Variants in ATXN7 observed in about 807,000 individuals in gnomAD.
The protein encoded by ATXN7 is ataxin 7, also known as ataxin-7.
A neutral mutation model predicts 70.5 loss-of-function variants in ATXN7; 12 were observed. The observed-to-expected ratio is 0.17, with a 90% CI of 0.11 to 0.28. The LOEUF (loss-of-function observed/expected upper bound fraction) is 0.28. ATXN7 is among the 10% of genes least tolerant of loss of function. ATXN7 has a pLI of 1.00. For missense variants in ATXN7, 1,256 were observed against 1,131.7 expected, an observed-to-expected ratio of 1.11 and a Z score of -1.58; for synonymous variants, 498 against 448.7, an observed-to-expected ratio of 1.11 and a Z score of -1.39.
chr3:63,887,203 T>C (rs1316446328), intron 1 of ATXN7, among the ~76,000 whole-genome samples: 1 of 152,212 alleles, frequency 6.6e-6, no homozygotes, highest in Non-Finnish European at 1.5e-5. Flanking sequence ...ATGTTTGTGA[T>C]GTAGTGCCAG....
At position 64,000,351 on chromosome 3, in the gene ATXN7, A is replaced by AG. The variant is rs2075820838; in HGVS notation, c.*885dup. 2.0e-5 allele frequency: 3 copies of AG among 149,694 alleles called. No individual in the cohort carries two copies. The South Asian group carries it at 6.3e-4, about 32-fold the overall frequency. 9.3% of individuals were successfully genotyped at this position (149,694 alleles called of 1,614,324 possible). A position where few individuals can be genotyped will look rare whatever the true frequency, so the allele number is the denominator to read the frequency against. On this transcript the variant is annotated 3_prime_UTR_variant, in exon 13 of 13. Transcript: ENST00000674280. ...AAAACTTTTTTCAAGATTTCCAAAG[A>AG]GATGAAATTTTCTTAATCCTTTTAA...
At chr3:63,987,379 C>A (rs1411412374) in intron 8 of ATXN7, among the ~76,000 whole-genome samples, 2 of 152,138 alleles carry the variant, frequency 1.3e-5, no homozygotes, top group African/African-American at 4.8e-5. Flanking sequence ...TGTTGTCCAT[C>A]CCATTTCCTT....
intron 5 of ATXN7, chr3:63,967,646 C>A: frequency 1.7e-6 from 1 of 571,916 alleles, no homozygotes; most frequent in Non-Finnish European, 2.6e-6. Flanking sequence ...TTCCATCTTC[C>A]CCAGTTTTGA....
chr3:63,877,131 G>A (rs1249503201), intron 1 of ATXN7, among the ~76,000 whole-genome samples: 1 of 152,122 alleles, frequency 6.6e-6, no homozygotes, highest in Non-Finnish European at 1.5e-5. Context: ...CAAAAGCTAA[G>A]AAAGGTAATT....
rs1398391367 is a variant in ATXN7 at position 64,000,094 on chromosome 3, T to C, written c.*627T>C. ...AAATAGCCCAGCCTTTTGAGAGTAA[T>C]TTGGGAAAAGAAGCTGTCAGAAGTT... On this transcript the variant is annotated 3_prime_UTR_variant, in exon 13 of 13. Coordinates refer to ENST00000674280, the MANE Select transcript of ATXN7 (RefSeq NM_001377405.1). The C allele has an allele frequency of 6.6e-6, 1 of 152,634 alleles. No homozygotes were observed. Among genetic ancestry groups the C allele is most frequent in the African/African-American group, 2.4e-5 (1 of 41,432 alleles). The allele number at this position is 152,634 out of a possible 1,614,324, so 9.5% of individuals were successfully genotyped here. A position where few individuals can be genotyped will look rare whatever the true frequency, so the allele number is the denominator to read the frequency against.
intron 12 of ATXN7, 65 bp from the exon 13 acceptor site, chr3:63,999,385 T>C (rs1169846448): frequency 2.3e-6 from 3 of 1,293,192 alleles, no homozygotes; most frequent in African/African-American, 1.5e-5. Context: ...TTAGAATCAA[T>C]AGAGTGCAGT....
At chr3:63,983,642 A>G (rs1396404957) in intron 8 of ATXN7, among the ~76,000 whole-genome samples, 1 of 152,094 alleles carries the variant, frequency 6.6e-6, no homozygotes, top group African/African-American at 2.4e-5. Flanking sequence ...GATAAAATAT[A>G]TTAATAATTT....
chr3:63,906,941 T>G (rs939235650), intron 2 of ATXN7, among the ~76,000 whole-genome samples: 1 of 152,222 alleles, frequency 6.6e-6, no homozygotes, highest in Non-Finnish European at 1.5e-5. Flanking sequence ...ATTTATTTTA[T>G]CCGTCAGTGG....
At chr3:63,935,238 T>C (rs957223027) in intron 4 of ATXN7, among the ~76,000 whole-genome samples, 3 of 152,160 alleles carry the variant, frequency 2.0e-5, no homozygotes, top group Non-Finnish European at 2.9e-5. Flanking sequence ...CCTGTGGCCC[T>C]GCAGTAACTA....
At chr3:63,897,138 A>C (rs1031414571) in intron 1 of ATXN7, among the ~76,000 whole-genome samples, 1 of 152,234 alleles carries the variant, frequency 6.6e-6, no homozygotes, top group Non-Finnish European at 1.5e-5. Context: ...TTTAGGATTC[A>C]AAGAAATGCA....
intron 4 of ATXN7, among the ~76,000 whole-genome samples, chr3:63,925,870 G>T (rs1023727299): frequency 6.6e-6 from 1 of 152,198 alleles, no homozygotes; most frequent in African/African-American, 2.4e-5. Context: ...GTGTGTGGGA[G>T]CCTGGAACTT....
At chr3:63,945,419 A>G (rs925156045) in intron 4 of ATXN7, among the ~76,000 whole-genome samples, 1 of 152,228 alleles carries the variant, frequency 6.6e-6, no homozygotes, top group African/African-American at 2.4e-5. Flanking sequence ...TTTACTAGAA[A>G]CTGCCTCTAG....
intron 4 of ATXN7, among the ~76,000 whole-genome samples, chr3:63,929,342 G>A (rs1359708642): frequency 6.7e-6 from 1 of 148,592 alleles, no homozygotes; most frequent in Non-Finnish European, 1.5e-5. Flanking sequence ...GCGCCATCTC[G>A]GCTCACTGCA....
chr3:63,957,917 A>C (rs1351432744), intron 5 of ATXN7, among the ~76,000 whole-genome samples: 1 of 152,174 alleles, frequency 6.6e-6, no homozygotes, highest in Non-Finnish European at 1.5e-5. Context: ...GAATTTTAGA[A>C]TCTCATGTTG....
chr3:63,910,474 A>G (rs1009028264), intron 2 of ATXN7, among the ~76,000 whole-genome samples: 4 of 152,222 alleles, frequency 2.6e-5, no homozygotes, highest in Admixed American at 2.0e-4. Flanking sequence ...TTAGGAAAAC[A>G]GAGGTTGGGT....
At position 63,996,201 on chromosome 3, in the gene ATXN7, G is replaced by A. The variant is rs1288233896; in HGVS notation, c.2379G>A (p.Val793=). ...CTGAATCCATCAAGAGGATGAGTGTGATGGTGAACAGCAGTGATTCTACTC... is the reference window on the plus strand; with the variant it reads ...CTGAATCCATCAAGAGGATGAGTGTAATGGTGAACAGCAGTGATTCTACTC... ...SPAESIKRMS[V]MVNSSDSTLS... Residue 793 remains valine (V), a synonymous_variant, in exon 12 of 13, where the codon GTG becomes GTA. Transcript: ENST00000674280. The A allele has an allele frequency of 1.9e-6, 3 of 1,614,072 alleles. No individual in the cohort carries two copies. Among genetic ancestry groups the A allele is most frequent in the East Asian group, 2.2e-5 (1 of 44,878 alleles).
At chr3:63,904,368 C>T (rs553342016) in intron 2 of ATXN7, 3 of 152,144 alleles carry the variant, frequency 2.0e-5, no homozygotes, top group Non-Finnish European at 4.4e-5. Context: ...CACCACAAGC[C>T]CCCCCCACTC....
At chr3:63,964,341 C>G (rs750473609) in intron 5 of ATXN7, among the ~76,000 whole-genome samples, 4 of 152,032 alleles carry the variant, frequency 2.6e-5, no homozygotes, top group African/African-American at 4.8e-5. Context: ...AATGTGAGGC[C>G]TCCTAGAGGA....
chr3:63,864,995 C>T (rs368712390), intron 1 of ATXN7: 1 of 152,136 alleles, frequency 6.6e-6, no homozygotes, highest in East Asian at 1.9e-4. Flanking sequence ...TCATTTTGAA[C>T]CCAGGTTTGT....
Sources: gnomAD v4.1 joint callset for allele counts (sites outside exome capture counted in the v4.1 genomes callset) on GRCh38, gnomAD v4.1.1 for gene constraint, MANE v1.5 for transcripts, NCBI Gene and HGNC (gene_info 2026-07-23, HGNC 2026-07-21) for gene names.